Variants in NDST1 observed in about 807,000 individuals in gnomAD.
The protein encoded by NDST1 is N-deacetylase and N-sulfotransferase 1, also known as bifunctional heparan sulfate N-deacetylase/N-sulfotransferase 1.
In NDST1, 35 loss-of-function variants were observed where a neutral mutation model predicts 92.8. The observed-to-expected ratio is 0.38, with a 90% CI of 0.29 to 0.50. The LOEUF is 0.50. Ranked by LOEUF, NDST1 falls within the 20% of genes least tolerant of loss-of-function variation. NDST1 has a pLI of 0.94. For synonymous variants in NDST1, 493 were observed against 500.3 expected, an observed-to-expected ratio of 0.99 and a Z score of 0.19; for missense variants, 822 against 1,182.7, an observed-to-expected ratio of 0.69 and a Z score of 4.47.
chr5:150,509,357 G>A (rs1753613080), intron 1 of NDST1, among the ~76,000 whole-genome samples: 1 of 152,170 alleles, frequency 6.6e-6, no homozygotes, highest in Non-Finnish European at 1.5e-5. Flanking sequence ...ATGAAGTGAG[G>A]GTTGGGAAGT....
upstream of NDST1, among the ~76,000 whole-genome samples, chr5:150,506,748 A>AAC (rs1159045657): frequency 6.7e-6 from 1 of 149,630 alleles, no homozygotes; most frequent in Non-Finnish European, 1.5e-5. Context: ...TGAGTCCCTT[A>AAC]ACACCCCAAG....
At chr5:150,505,686 C>T (rs996110634), upstream of NDST1, among the ~76,000 whole-genome samples, 3 of 152,048 alleles carry the variant, frequency 2.0e-5, no homozygotes, top group African/African-American at 4.8e-5. Flanking sequence ...CTGCAGAGGT[C>T]GGTTATGCTC....
rs890716494 is a variant in NDST1 at position 150,512,267 on chromosome 5, G to A, written c.-388+4041G>A. On this transcript the variant is annotated intron_variant, in intron 1 of 14. Transcript: ENST00000261797. The stretch of plus-strand genomic sequence containing the variant: ...GTGTGTGTTGGGGGGGCAGGGAGCA[G>A]TGTGTGGTCCACAGAGGGCATTGTC... 4.6e-5 allele frequency among the ~76,000 whole-genome samples: 7 copies of A among 152,288 alleles called. No homozygotes were observed. In the East Asian group the frequency reaches 1.3e-3, roughly 29 times the overall value.
rs570787620 is a variant in NDST1, at chr5:150,521,003, G to A, written c.-252G>A. On this transcript the variant is annotated 5_prime_UTR_variant, in exon 2 of 15. Coordinates refer to ENST00000261797, the MANE Select transcript of NDST1 (RefSeq NM_001543.5). This position sits in a 1 kb window ranked among gnomAD's most constrained non-coding sequence, Gnocchi z 5.9. ...ACTTCTGCTCTGCACAGGACCACGC[G>A]GGGGTTTGCCATGGTGACATAAAGG... 1.6e-4 allele frequency: 95 copies of A among 595,422 alleles called. No homozygotes were observed. Among genetic ancestry groups the A allele is most frequent in the Non-Finnish European group, 2.5e-4 (84 of 334,772 alleles). The allele number at this position is 595,422 out of a possible 1,614,324, so 36.9% of individuals were successfully genotyped here. A position where few individuals can be genotyped will look rare whatever the true frequency, so the allele number is the denominator to read the frequency against.
rs113939137 is a variant in NDST1 at position 150,542,808 on chromosome 5, G to T, written c.1847-40G>T. The stretch of plus-strand genomic sequence containing the variant: ...AACCCAGACTCTATCTTTTGGCTGG[G>T]GGCTGGGCCCTGGGTCTCAGGTGTC... On this transcript the variant is annotated intron_variant, in intron 9 of 14. Coordinates refer to ENST00000261797, the MANE Select transcript of NDST1 (RefSeq NM_001543.5). 1.1e-4 allele frequency: 171 copies of T among 1,613,702 alleles called. 2 individuals carry two copies. In the African/African-American group the frequency reaches 1.4e-3, roughly 13 times the overall value.
intron 13 of NDST1, chr5:150,551,023 C>G (rs775031778): frequency 6.4e-6 from 1 of 156,378 alleles, no homozygotes; most frequent in Non-Finnish European, 1.4e-5. Flanking sequence ...ATCCTATGAC[C>G]CTTTCAGAAA....
At position 150,553,944 on chromosome 5, in the gene NDST1, A is replaced by G. The variant is rs1050336661; in HGVS notation, c.*612A>G. 2 of 416,854 alleles carry G rather than the reference A, an allele frequency of 4.8e-6. No homozygotes were observed. Among genetic ancestry groups the G allele is most frequent in the African/African-American group, 4.0e-5 (2 of 49,530 alleles). 25.8% of individuals were successfully genotyped at this position (416,854 alleles called of 1,614,324 possible). A position where few individuals can be genotyped will look rare whatever the true frequency, so the allele number is the denominator to read the frequency against. On this transcript the variant is annotated 3_prime_UTR_variant, in exon 15 of 15. Transcript: ENST00000261797. This position sits in a 1 kb window ranked among gnomAD's most constrained non-coding sequence, Gnocchi z 4.2. ...GGGAAGAATTTCTGGTTCCTACAGT[A>G]TCCACTCCATCCTCAAGGCTTCCCG...
At chr5:150,520,817 T>G in intron 1 of NDST1, 51 bp from the exon 2 acceptor site, 1 of 407,744 alleles carries the variant, frequency 2.5e-6, no homozygotes, top group Admixed American at 4.0e-5. Context: ...CACAGTTAGC[T>G]GAACCCTGAA....
At chr5:150,543,441 G>T (rs1419348843) in intron 10 of NDST1, among the ~76,000 whole-genome samples, 3 of 152,222 alleles carry the variant, frequency 2.0e-5, no homozygotes, top group Admixed American at 6.5e-5. Flanking sequence ...GCCTGCAGAG[G>T]TTACCTTTGT....
chr5:150,528,346 G>A, intron 3 of NDST1, 48 bp downstream of exon 3: 1 of 1,546,162 alleles, frequency 6.5e-7, no homozygotes, highest in South Asian at 1.2e-5. Flanking sequence ...GGCCTGGCAA[G>A]CTTCAGCCTT....
Position 150,521,263 on chromosome 5 carries a change from C to T in NDST1, c.9C>T (p.Ala3=). 2 of 1,607,440 alleles carry T rather than the reference C, an allele frequency of 1.2e-6. No individual in the cohort carries two copies. The highest frequency in any genetic ancestry group is 1.1e-5 in the South Asian group (1 of 91,058). Residue 3 remains alanine, a synonymous_variant, in exon 2 of 15, where the codon GCC becomes GCT. Coordinates refer to ENST00000261797, the MANE Select transcript of NDST1 (RefSeq NM_001543.5). This position sits in a 1 kb window ranked among gnomAD's most constrained non-coding sequence, Gnocchi z 5.9. MP[A]LACLRRLCRH... is the part of the protein sequence containing the mutation. Reference sequence around the variant, plus strand: ...AGGTCTCGGAGGCCAGGATGCCTGCCCTGGCATGCCTCCGGAGGCTGTGTC... The same window carrying T: ...AGGTCTCGGAGGCCAGGATGCCTGCTCTGGCATGCCTCCGGAGGCTGTGTC...
At chr5:150,534,782 C>T (rs1172313493) in intron 4 of NDST1, 85 bp from the exon 5 acceptor site, 2 of 1,563,492 alleles carry the variant, frequency 1.3e-6, no homozygotes, top group East Asian at 2.2e-5. Context: ...GGGCTCTGGC[C>T]ATGCTCTCCC....
At chr5:150,533,067 TC>T in intron 4 of NDST1, 35 bp downstream of exon 4, 2 of 1,588,860 alleles carry the variant, frequency 1.3e-6, no homozygotes, top group East Asian at 2.2e-5. Flanking sequence ...ACTAGCAACT[TC>T]CAGGACTCCT....
intron 8 of NDST1, 116 bp from the exon 9 acceptor site, chr5:150,541,454 A>C: frequency 1.1e-6 from 1 of 871,604 alleles, no homozygotes. Context: ...ACAAGGACAC[A>C]TGTAGCATGT....
chr5:150,553,102 A>C lies in NDST1; in HGVS notation c.2530-111A>C, dbSNP rs185119815. 8.6e-7 allele frequency: 1 copy of C among 1,160,334 alleles called. No individual in the cohort carries two copies. Among genetic ancestry groups the C allele is most frequent in the Non-Finnish European group, 1.3e-6 (1 of 798,146 alleles). 71.9% of individuals were successfully genotyped at this position (1,160,334 alleles called of 1,614,324 possible). On this transcript the variant is annotated intron_variant, in intron 14 of 14. Transcript: ENST00000261797. This position sits in a 1 kb window ranked among gnomAD's most constrained non-coding sequence, Gnocchi z 4.2. The stretch of plus-strand genomic sequence containing the variant: ...GTGATCCACATGCCTCGGCCTCCCA[A>C]AGTGCTGGGATTACAGGCATGAGCC...
intron 11 of NDST1, among the ~76,000 whole-genome samples, chr5:150,547,436 T>C (rs3095902): frequency 0.34 from 52,385 of 152,098 alleles, 10,986 homozygotes; most frequent in African/African-American, 0.59. Flanking sequence ...CACAGGTGCC[T>C]GAGCTCTGGC....
At chr5:150,504,667 C>G (rs1280679729), upstream of NDST1, among the ~76,000 whole-genome samples, 1 of 152,208 alleles carries the variant, frequency 6.6e-6, no homozygotes, top group African/African-American at 2.4e-5. Flanking sequence ...AGCTCTGCCC[C>G]TTCCTGGCCT....
Position 150,553,687 on chromosome 5 carries a change from C to T in NDST1, c.*355C>T, listed in dbSNP as rs1755810846. ...CGTCACCCATCACTCCCTGCTTCCG[C>T]AGGGCGCCCCTCAGTATTCGCTGCC... On this transcript the variant is annotated 3_prime_UTR_variant, in exon 15 of 15. Coordinates refer to ENST00000261797, the MANE Select transcript of NDST1 (RefSeq NM_001543.5). The surrounding 1 kb of genome is among the most constrained non-coding windows in gnomAD (Gnocchi z 4.2). 1 of 413,668 alleles carries T rather than the reference C, an allele frequency of 2.4e-6. No homozygotes were observed. Among genetic ancestry groups the T allele is most frequent in the Non-Finnish European group, 4.6e-6 (1 of 217,874 alleles). 25.6% of individuals were successfully genotyped at this position (413,668 alleles called of 1,614,324 possible).
intron 1 of NDST1, among the ~76,000 whole-genome samples, chr5:150,512,851 A>T (rs537399806): frequency 3.3e-5 from 5 of 152,322 alleles, no homozygotes; most frequent in African/African-American, 1.2e-4. Context: ...AGGTTCAGAG[A>T]GGTTGAGAGA....
Sources: gnomAD v4.1 joint callset for allele counts (sites outside exome capture counted in the v4.1 genomes callset) on GRCh38, gnomAD v4.1.1 for gene constraint, Gnocchi (gnomAD v3.1) non-coding constraint, MANE v1.5 for transcripts, NCBI Gene and HGNC (gene_info 2026-07-23, HGNC 2026-07-21) for gene names.